Variants in LINGO2 observed in about 807,000 individuals in gnomAD.
LINGO2 encodes the protein leucine rich repeat and Ig domain containing 2, also known as leucine-rich repeat and immunoglobulin-like domain-containing nogo receptor-interacting protein 2.
Under a neutral mutation model 30.6 loss-of-function variants are expected in LINGO2, and 14 were observed. The observed-to-expected ratio is 0.46, with a 90% confidence interval of 0.30 to 0.72. LINGO2 has a LOEUF of 0.72. Among genes scored for constraint, LINGO2 ranks in the 30% least tolerant of loss-of-function variants. The probability of loss-of-function intolerance (pLI) is 0.07; values close to 1 mark genes in which losing one functional copy is unlikely to be tolerated. For synonymous variants in LINGO2, 317 were observed against 288.5 expected, an observed-to-expected ratio of 1.10 and a Z score of -1.00; for missense variants, 729 against 751.7, an observed-to-expected ratio of 0.97 and a Z score of 0.35.
At chr9:27,974,292 G>A (rs1030974416) in intron 5 of LINGO2, among the ~76,000 whole-genome samples, 5 of 151,976 alleles carry the variant, frequency 3.3e-5, no homozygotes, top group African/African-American at 1.2e-4. Flanking sequence ...ACTCTTCCTG[G>A]GATTGCAGAA....
intron 4 of LINGO2, among the ~76,000 whole-genome samples, chr9:28,179,154 C>T (rs747908150): frequency 3.3e-5 from 5 of 151,030 alleles, no homozygotes; most frequent in African/African-American, 4.9e-5. Flanking sequence ...TTATTGGAAA[C>T]TTGATACTTC....
chr9:28,883,628 G>GTGTGTGTGTGTGTATATA, the LINGO2 span, among the ~76,000 whole-genome samples: 1 of 64,180 alleles, frequency 1.6e-5, no homozygotes, highest in South Asian at 6.4e-4. Context: ...ATGTGTGTGT[G>GTGTGTGTGTGTGTATATA]TATATATATA....
intron 1 of LINGO2, among the ~76,000 whole-genome samples, chr9:28,511,771 T>C (rs1412446027): frequency 6.6e-6 from 1 of 152,184 alleles, no homozygotes; most frequent in East Asian, 1.9e-4. Context: ...TGCATCAGTA[T>C]AGAATGGCAC....
At chr9:28,170,130 G>C (rs1194237341) in intron 4 of LINGO2, among the ~76,000 whole-genome samples, 2 of 152,130 alleles carry the variant, frequency 1.3e-5, no homozygotes, top group African/African-American at 2.4e-5. Flanking sequence ...ACCATACCTG[G>C]TATTGAATAT....
At chr9:28,709,201 C>G in the LINGO2 span, among the ~76,000 whole-genome samples, 1 of 152,038 alleles carries the variant, frequency 6.6e-6, no homozygotes, top group African/African-American at 2.4e-5. Flanking sequence ...CATGCCCTAT[C>G]TCTATTATTT....
At chr9:28,108,918 A>G (rs1422726205) in intron 4 of LINGO2, among the ~76,000 whole-genome samples, 1 of 152,150 alleles carries the variant, frequency 6.6e-6, no homozygotes, top group Non-Finnish European at 1.5e-5. Flanking sequence ...TATCTGAGAC[A>G]TAAGCCTGTG....
At chr9:28,880,941 A>G in the LINGO2 span, among the ~76,000 whole-genome samples, 1 of 152,112 alleles carries the variant, frequency 6.6e-6, no homozygotes. Flanking sequence ...ATTATGACAT[A>G]GATTCTTTTG....
chr9:28,517,966 G>C (rs987756668), intron 1 of LINGO2, among the ~76,000 whole-genome samples: 7 of 152,130 alleles, frequency 4.6e-5, no homozygotes, highest in African/African-American at 1.4e-4. Context: ...TAGCAGTCTG[G>C]AAATGAGAAA....
intron 1 of LINGO2, among the ~76,000 whole-genome samples, chr9:28,575,344 A>G (rs1316057510): frequency 6.6e-6 from 1 of 151,342 alleles, no homozygotes; most frequent in Non-Finnish European, 1.5e-5. Context: ...GGTTGCAGTG[A>G]GCCAAGATTG....
chr9:28,137,169 A>G (rs371748471), intron 4 of LINGO2, among the ~76,000 whole-genome samples: 26 of 143,874 alleles, frequency 1.8e-4, no homozygotes, highest in African/African-American at 6.8e-4. Flanking sequence ...AAATATTTTT[A>G]TATATTCATA....
intron 4 of LINGO2, among the ~76,000 whole-genome samples, chr9:28,256,176 C>T (rs1012237450): frequency 3.9e-5 from 6 of 151,954 alleles, no homozygotes; most frequent in East Asian, 1.9e-4. Flanking sequence ...ATTTTGTAAG[C>T]GGCCCTCACC....
At chr9:28,099,484 A>C (rs1469861271) in intron 4 of LINGO2, among the ~76,000 whole-genome samples, 1 of 152,102 alleles carries the variant, frequency 6.6e-6, no homozygotes, top group African/African-American at 2.4e-5. Flanking sequence ...TTTCCTACAT[A>C]GAATCAATGA....
At chr9:28,537,969 A>G (rs1330731926) in intron 1 of LINGO2, among the ~76,000 whole-genome samples, 1 of 152,088 alleles carries the variant, frequency 6.6e-6, no homozygotes, top group Non-Finnish European at 1.5e-5. Context: ...TCTAAGAAAT[A>G]ATGACTGCCG....
the LINGO2 span, among the ~76,000 whole-genome samples, chr9:28,931,979 G>A: frequency 1.3e-5 from 2 of 151,512 alleles, no homozygotes; most frequent in East Asian, 3.9e-4. Context: ...GTGGTGGCAC[G>A]CACCTGTAGT....
At chr9:28,090,637 C>T (rs933118914) in intron 4 of LINGO2, among the ~76,000 whole-genome samples, 5 of 152,120 alleles carry the variant, frequency 3.3e-5, no homozygotes, top group African/African-American at 1.2e-4. Flanking sequence ...CGGAAGCATT[C>T]CCTTTGAAAA....
At chr9:28,968,882 T>C in the LINGO2 span, among the ~76,000 whole-genome samples, 1 of 152,118 alleles carries the variant, frequency 6.6e-6, no homozygotes, top group African/African-American at 2.4e-5. Flanking sequence ...CAGAGTGCAA[T>C]TAAGATATAT....
intron 1 of LINGO2, among the ~76,000 whole-genome samples, chr9:28,639,266 T>A (rs1364218580): frequency 6.6e-6 from 1 of 152,122 alleles, no homozygotes; most frequent in African/African-American, 2.4e-5. Context: ...GGAATAGGTG[T>A]GGTGTGGTAC....
At chr9:28,536,495 A>G (rs1341045132) in intron 1 of LINGO2, among the ~76,000 whole-genome samples, 1 of 152,116 alleles carries the variant, frequency 6.6e-6, no homozygotes, top group African/African-American at 2.4e-5. Context: ...GAATGAAGAC[A>G]GCCCCTTACC....
intron 4 of LINGO2, among the ~76,000 whole-genome samples, chr9:28,162,586 C>A (rs1405629625): frequency 6.6e-6 from 1 of 152,168 alleles, no homozygotes; most frequent in Non-Finnish European, 1.5e-5. Context: ...AGCTATTCTA[C>A]TACATTGATA....
Sources: allele counts gnomAD v4.1 joint callset (sites outside exome capture counted in the v4.1 genomes callset), GRCh38; gene constraint gnomAD v4.1.1; transcripts MANE v1.5; gene names NCBI Gene and HGNC (gene_info 2026-07-23, HGNC 2026-07-21).